NEK6: variants seen among roughly 807,000 people sequenced by gnomAD.
The protein encoded by NEK6 is NIMA related kinase 6.
Under a neutral mutation model 43.5 loss-of-function variants are expected in NEK6, and 27 were observed. That is an observed-to-expected ratio of 0.62 (90% CI 0.46 to 0.86). The LOEUF (loss-of-function observed/expected upper bound fraction) is 0.86, where lower values mean the gene tolerates loss of function less well. Among genes scored for constraint, NEK6 ranks in the 40% least tolerant of loss-of-function variants. The probability of loss-of-function intolerance (pLI) is 0.00; values close to 1 mark genes in which losing one functional copy is unlikely to be tolerated. For missense variants in NEK6, 318 were observed against 414.4 expected, an observed-to-expected ratio of 0.77 and a Z score of 2.02; for synonymous variants, 167 against 164.1, an observed-to-expected ratio of 1.02 and a Z score of -0.14.
At position 124,303,588 on chromosome 9, in the gene NEK6, G is replaced by C. The variant is rs182609007; in HGVS notation, c.90+1534G>C. ...CTTAGTGGACACTATGTTTGTGTGT[G>C]TATCTGGTGGGGGTGTGTGTATATG... On this transcript the variant is annotated intron_variant, in intron 2 of 9. Transcript: ENST00000320246. 1.6e-4 allele frequency among the ~76,000 whole-genome samples: 25 copies of C among 152,340 alleles called. No homozygotes were observed. In the East Asian group the frequency reaches 4.8e-3, roughly 29 times the overall value.
intron 1 of NEK6, among the ~76,000 whole-genome samples, chr9:124,295,074 G>A (rs958239199): frequency 1.3e-5 from 2 of 152,226 alleles, no homozygotes; most frequent in African/African-American, 4.8e-5. Flanking sequence ...GCCTCCTGAT[G>A]CTGCAGGCCC....
At chr9:124,332,701 G>T (rs1371467539) in intron 7 of NEK6, among the ~76,000 whole-genome samples, 1 of 152,144 alleles carries the variant, frequency 6.6e-6, no homozygotes, top group Non-Finnish European at 1.5e-5. Context: ...TTCAAACACC[G>T]AGAGCATTTC....
intron 1 of NEK6, chr9:124,293,066 T>G (rs900720399): frequency 7.0e-7 from 1 of 1,429,184 alleles, no homozygotes; most frequent in Non-Finnish European, 9.2e-7. Context: ...ATGGTGGGCC[T>G]GCTAGCGGGC....
At chr9:124,264,814 CAAAAAAAAA>C (rs372219790) in intron 1 of NEK6, among the ~76,000 whole-genome samples, 6 of 88,674 alleles carry the variant, frequency 6.8e-5, no homozygotes, top group Non-Finnish European at 4.4e-5. Context: ...GACTCTGTAT[CAAAAAAAAA>C]AAAAAAAAAA....
intron 1 of NEK6, among the ~76,000 whole-genome samples, chr9:124,263,582 G>GA: frequency 6.6e-6 from 1 of 152,348 alleles, no homozygotes; most frequent in East Asian, 1.9e-4. Context: ...GAGAGACATG[G>GA]AAAATCTTTA....
chr9:124,279,787 C>T (rs1831813428), intron 1 of NEK6, among the ~76,000 whole-genome samples: 1 of 152,216 alleles, frequency 6.6e-6, no homozygotes. Flanking sequence ...GCTGCGTTTC[C>T]CTCAAGGCAC....
At chr9:124,264,780 A>C (rs370470522) in intron 1 of NEK6, among the ~76,000 whole-genome samples, 71 of 142,448 alleles carry the variant, frequency 5.0e-4, no homozygotes, top group African/African-American at 1.7e-3. Flanking sequence ...GTGCCACTGC[A>C]CTCCAGCCTA....
chr9:124,327,536 CA>C (rs1254423082), intron 7 of NEK6, 91 bp downstream of exon 7: 1 of 978,170 alleles, frequency 1.0e-6, no homozygotes, highest in Admixed American at 1.8e-5. Context: ...TGTGTTTGGT[CA>C]GTTAGTGCAG....
At chr9:124,323,369 C>T (rs1208951712) in intron 5 of NEK6, among the ~76,000 whole-genome samples, 1 of 152,188 alleles carries the variant, frequency 6.6e-6, no homozygotes, top group Admixed American at 6.5e-5. Flanking sequence ...TTGCTCCAGG[C>T]TCGGGGTCCA....
intron 1 of NEK6, among the ~76,000 whole-genome samples, chr9:124,276,816 G>C (rs1355600769): frequency 6.6e-6 from 1 of 152,222 alleles, no homozygotes; most frequent in Non-Finnish European, 1.5e-5. Flanking sequence ...GGGAGACTGC[G>C]TGAGCAGGTG....
intron 7 of NEK6, among the ~76,000 whole-genome samples, chr9:124,338,097 C>G (rs575522592): frequency 6.6e-6 from 1 of 152,208 alleles, no homozygotes; most frequent in African/African-American, 2.4e-5. Context: ...TCTTCTGCCT[C>G]AGCCTCCTGA....
chr9:124,290,983 T>A (rs149498212), intron 1 of NEK6, among the ~76,000 whole-genome samples: 1 of 152,258 alleles, frequency 6.6e-6, no homozygotes, highest in East Asian at 1.9e-4. Flanking sequence ...AGACGAACAC[T>A]CCTCATCCTC....
chr9:124,340,574 A>G lies in NEK6; in HGVS notation c.717+909A>G, dbSNP rs567145230. On this transcript the variant is annotated intron_variant, in intron 8 of 9. Coordinates refer to ENST00000320246, the MANE Select transcript of NEK6 (RefSeq NM_014397.6). ...AATGACAGACAGGAAAGGGCTCTGG[A>G]AACCCCCCCAGGCTGTTAGACACCA... 1.8e-4 allele frequency among the ~76,000 whole-genome samples: 27 copies of G among 152,330 alleles called. No homozygotes were observed. In the South Asian group the frequency reaches 4.1e-3, roughly 23 times the overall value.
chr9:124,340,979 A>G (rs548878361), intron 8 of NEK6, among the ~76,000 whole-genome samples: 1 of 152,212 alleles, frequency 6.6e-6, no homozygotes, highest in Admixed American at 6.5e-5. Flanking sequence ...CCCTCCCCAC[A>G]TTACAGATTG....
chr9:124,278,571 A>C (rs753759677), intron 1 of NEK6, among the ~76,000 whole-genome samples: 10 of 152,140 alleles, frequency 6.6e-5, no homozygotes, highest in Non-Finnish European at 1.3e-4. Context: ...TCTGCCCGCC[A>C]ACAGGGGGCT....
At chr9:124,289,760 C>T (rs1019378726) in intron 1 of NEK6, among the ~76,000 whole-genome samples, 4 of 152,280 alleles carry the variant, frequency 2.6e-5, no homozygotes, top group African/African-American at 7.2e-5. Flanking sequence ...CTTTGTCAGC[C>T]GTATAAGAAG....
chr9:124,272,857 G>C (rs1831504022), intron 1 of NEK6, among the ~76,000 whole-genome samples: 1 of 152,226 alleles, frequency 6.6e-6, no homozygotes, highest in Non-Finnish European at 1.5e-5. Context: ...CCACTGCCAA[G>C]TCAGGATTTG....
intron 1 of NEK6, among the ~76,000 whole-genome samples, chr9:124,290,616 G>A (rs1186923337): frequency 6.6e-6 from 1 of 152,250 alleles, no homozygotes; most frequent in East Asian, 1.9e-4. Flanking sequence ...TGCTGGCCAC[G>A]GAGAGCCCCT....
intron 8 of NEK6, among the ~76,000 whole-genome samples, chr9:124,346,584 C>T (rs1049588163): frequency 3.3e-5 from 5 of 152,120 alleles, no homozygotes; most frequent in South Asian, 2.1e-4. Flanking sequence ...CATTGGGCCT[C>T]GGGGGGCGGT....
Sources: gnomAD v4.1 joint callset for allele counts (sites outside exome capture counted in the v4.1 genomes callset) on GRCh38, gnomAD v4.1.1 for gene constraint, MANE v1.5 for transcripts, NCBI Gene and HGNC (gene_info 2026-07-23, HGNC 2026-07-21) for gene names.